Variants in ELAVL1 observed in about 807,000 individuals in gnomAD.
The protein encoded by ELAVL1 is ELAV like RNA binding protein 1, also known as ELAV-like protein 1.
ELAVL1 carries 1 observed loss-of-function variant against 28.4 expected under a neutral mutation model. That is an observed-to-expected ratio of 0.04 (90% CI 0.01 to 0.17). ELAVL1 has a LOEUF of 0.17. Among genes scored for constraint, ELAVL1 ranks in the 10% least tolerant of loss-of-function variants. The pLI is 1.00. For synonymous variants in ELAVL1, 174 were observed against 183.5 expected (o/e 0.95, Z 0.42); for missense variants, 157 against 447.2 (o/e 0.35, Z 5.85).
rs372541464 is a variant in ELAVL1, at chr19:7,991,629, C to T, written c.172+15G>A. On this transcript the variant is annotated intron_variant, in intron 2 of 5. Transcript: ENST00000407627. The stretch of plus-strand genomic sequence containing the variant: ...CACCAATACCCGGTTTACTAAAACG[C>T]CTCCATTTCTTTACCTGCTACTTTA... 1.6e-5 allele frequency: 26 copies of T among 1,603,014 alleles called. No homozygotes were observed. The highest frequency in any genetic ancestry group is 1.7e-5 in the Admixed American group (1 of 58,758).
At chr19:7,985,821 C>T (rs1042589410) in intron 2 of ELAVL1, among the ~76,000 whole-genome samples, 1 of 152,230 alleles carries the variant, frequency 6.6e-6, no homozygotes, top group Admixed American at 6.5e-5. Context: ...GCCCGGCTCT[C>T]ACTTCCCTCA....
intron 3 of ELAVL1, among the ~76,000 whole-genome samples, chr19:7,980,397 C>G (rs185068727): frequency 6.6e-6 from 1 of 152,124 alleles, no homozygotes; most frequent in Non-Finnish European, 1.5e-5. Context: ...AAGGCAGACA[C>G]GTGGGGACGG....
intron 1 of ELAVL1, among the ~76,000 whole-genome samples, chr19:7,992,526 CCTT>C (rs1257058600): frequency 6.6e-6 from 1 of 152,092 alleles, no homozygotes; most frequent in East Asian, 1.9e-4. Context: ...AACTCTATGA[CCTT>C]CTGGAAGAGG....
At chr19:7,987,006 T>A (rs942561971) in intron 2 of ELAVL1, among the ~76,000 whole-genome samples, 3 of 151,056 alleles carry the variant, frequency 2.0e-5, no homozygotes, top group Non-Finnish European at 4.4e-5. Context: ...ACATGACTCA[T>A]ATTAAGAAAA....
At chr19:8,003,115 C>T (rs1408314608) in intron 1 of ELAVL1, among the ~76,000 whole-genome samples, 1 of 151,978 alleles carries the variant, frequency 6.6e-6, no homozygotes, top group Non-Finnish European at 1.5e-5. Flanking sequence ...GGGCTGGGCG[C>T]GGTGGCTCAC....
chr19:8,005,229 C>T lies in ELAVL1; in HGVS notation c.-17+266G>A, dbSNP rs1263685205. Among the ~76,000 whole-genome samples, 5 of 152,014 alleles carry T rather than the reference C, an allele frequency of 3.3e-5. No homozygotes were observed. The East Asian group carries it at 9.7e-4, about 29-fold the overall frequency. Reference sequence around the variant, plus strand: ...CGGGGCCCCCGGCCGTGCAGCCCGGCCCCCCGGCGCATGCCCACGCCGTAT... The same window carrying T: ...CGGGGCCCCCGGCCGTGCAGCCCGGTCCCCCGGCGCATGCCCACGCCGTAT... On this transcript the variant is annotated intron_variant, in intron 1 of 5. Coordinates refer to ENST00000407627, the MANE Select transcript of ELAVL1 (RefSeq NM_001419.3).
rs560463683 is a variant in ELAVL1, at chr19:7,963,995, C to G, written c.657-188G>C. 2.8e-4 allele frequency among the ~76,000 whole-genome samples: 42 copies of G among 152,286 alleles called. No homozygotes were observed. The highest frequency in any genetic ancestry group is 1.0e-3 in the African/African-American group (42 of 41,576). On this transcript the variant is annotated intron_variant, in intron 5 of 5. Transcript: ENST00000407627. The surrounding 1 kb of genome is among the most constrained non-coding windows in gnomAD (Gnocchi z 4.5). The stretch of plus-strand genomic sequence containing the variant: ...GGAATTAAATACAGTAGTGGAGGGG[C>G]GGGACCCTGTTCTGTAGGGAGCTGA...
At chr19:7,971,959 A>G (rs1985125556) in intron 4 of ELAVL1, among the ~76,000 whole-genome samples, 1 of 152,226 alleles carries the variant, frequency 6.6e-6, no homozygotes, top group South Asian at 2.1e-4. Flanking sequence ...TGTGCACATG[A>G]AAGGCGAGGC....
At chr19:7,999,469 G>C (rs2081060210) in intron 1 of ELAVL1, among the ~76,000 whole-genome samples, 1 of 152,196 alleles carries the variant, frequency 6.6e-6, no homozygotes, top group East Asian at 1.9e-4. Flanking sequence ...CTTTGTTACT[G>C]TCCCAACCAC....
chr19:7,982,273 C>G lies in ELAVL1; in HGVS notation c.173-1087G>C, dbSNP rs190891987. The stretch of plus-strand genomic sequence containing the variant: ...AGGGAAGAGCGCAATCCCCGTCTCC[C>G]GCAGCTTATCCATGCACTTGCAAGG... On this transcript the variant is annotated intron_variant, in intron 2 of 5. Transcript: ENST00000407627. The surrounding 1 kb of genome is among the most constrained non-coding windows in gnomAD (Gnocchi z 4.3). Among the ~76,000 whole-genome samples the G allele has an allele frequency of 3.1e-4, 47 of 152,186 alleles. No homozygotes were observed. The highest frequency in any genetic ancestry group is 9.9e-4 in the African/African-American group (41 of 41,520).
chr19:8,003,992 G>A (rs1278566896), intron 1 of ELAVL1, among the ~76,000 whole-genome samples: 1 of 152,152 alleles, frequency 6.6e-6, no homozygotes, highest in Non-Finnish European at 1.5e-5. Flanking sequence ...CAGAGGGCCC[G>A]AGTTCAAACC....
At chr19:7,991,931 T>C in intron 1 of ELAVL1, 100 bp from the exon 2 acceptor site, 2 of 899,226 alleles carry the variant, frequency 2.2e-6, no homozygotes, top group African/African-American at 1.9e-5. Flanking sequence ...TTTCTTTCTT[T>C]CTTTTTTTTT....
In ELAVL1 at chr19:7,994,372, G is replaced by A. The variant is rs543898321; in HGVS notation, c.-16-2541C>T. On this transcript the variant is annotated intron_variant, in intron 1 of 5. Coordinates refer to ENST00000407627, the MANE Select transcript of ELAVL1 (RefSeq NM_001419.3). Reference sequence around the variant, plus strand: ...TAAAGCATCCTTCAGGGCACAGGACGGCCCCACAACCAAGAATTATCTAAC... The same window carrying A: ...TAAAGCATCCTTCAGGGCACAGGACAGCCCCACAACCAAGAATTATCTAAC... Among the ~76,000 whole-genome samples, 16 of 152,304 alleles carry A rather than the reference G, an allele frequency of 1.1e-4. No individual in the cohort carries two copies. In the South Asian group the frequency reaches 2.9e-3, roughly 28 times the overall value.
chr19:8,003,569 G>A (rs1228811961), intron 1 of ELAVL1, among the ~76,000 whole-genome samples: 10 of 151,248 alleles, frequency 6.6e-5, no homozygotes, highest in Non-Finnish European at 1.5e-4. Flanking sequence ...GCCGGCGCCT[G>A]TAGTCCCAGC....
At chr19:8,002,303 G>A (rs2081070846) in intron 1 of ELAVL1, 2 of 388,036 alleles carry the variant, frequency 5.2e-6, no homozygotes, top group Non-Finnish European at 1.0e-5. Context: ...GGGCTCTCCT[G>A]TGCCCACCCA....
In ELAVL1 at chr19:7,981,324, C is replaced by G. The variant is rs1486499443; in HGVS notation, c.173-138G>C. 1.5e-6 allele frequency: 1 copy of G among 685,806 alleles called. No individual in the cohort carries two copies. The highest frequency in any genetic ancestry group is 2.6e-5 in the Admixed American group (1 of 39,098). 42.5% of individuals were successfully genotyped at this position (685,806 alleles called of 1,614,324 possible). A position where few individuals can be genotyped will look rare whatever the true frequency, so the allele number is the denominator to read the frequency against. The stretch of plus-strand genomic sequence containing the variant: ...AGCAAACTTTATTTTCTTTGGCAAA[C>G]ACGTACATTTTCTGCAATGAACACA... On this transcript the variant is annotated intron_variant, in intron 2 of 5. Coordinates refer to ENST00000407627, the MANE Select transcript of ELAVL1 (RefSeq NM_001419.3). The surrounding 1 kb of genome is among the most constrained non-coding windows in gnomAD (Gnocchi z 4.2).
intron 3 of ELAVL1, among the ~76,000 whole-genome samples, chr19:7,976,840 ATT>A (rs764204939): frequency 6.8e-5 from 9 of 132,904 alleles, no homozygotes; most frequent in Admixed American, 7.6e-5. Context: ...GACACGCTAC[ATT>A]TTTTTTTTTT....
intron 4 of ELAVL1, among the ~76,000 whole-genome samples, chr19:7,971,213 G>A (rs1313994273): frequency 6.6e-6 from 1 of 152,250 alleles, no homozygotes; most frequent in Non-Finnish European, 1.5e-5. Flanking sequence ...GCAGAGGTGA[G>A]TTCCCCCTGC....
chr19:7,965,501 G>T (rs1002391127), intron 5 of ELAVL1, among the ~76,000 whole-genome samples: 6 of 151,976 alleles, frequency 3.9e-5, no homozygotes, highest in African/African-American at 1.5e-4. Flanking sequence ...GGCTTTTCTG[G>T]ACGTGATAGG....
Sources: gnomAD v4.1 joint callset for allele counts (sites outside exome capture counted in the v4.1 genomes callset) on GRCh38, gnomAD v4.1.1 for gene constraint, Gnocchi (gnomAD v3.1) non-coding constraint, MANE v1.5 for transcripts, NCBI Gene and HGNC (gene_info 2026-07-23, HGNC 2026-07-21) for gene names.